MGAT5: variants seen among roughly 807,000 people sequenced by gnomAD.
MGAT5 encodes the protein alpha-1,6-mannosylglycoprotein 6-beta-N-acetylglucosaminyltransferase, also known as alpha-1,6-mannosylglycoprotein 6-beta-N-acetylglucosaminyltransferase A.
A neutral mutation model predicts 94.3 loss-of-function variants in MGAT5; 30 were observed. The ratio of observed to expected loss-of-function variants is 0.32; its 90% CI spans 0.24 to 0.43. MGAT5 has a LOEUF of 0.43. Among genes scored for constraint, MGAT5 ranks in the 20% least tolerant of loss-of-function variants. The pLI is 1.00. For synonymous variants in MGAT5, 310 were observed against 322.9 expected (o/e 0.96, Z 0.43); for missense variants, 691 against 905.5 (o/e 0.76, Z 3.04).
At chr2:134,440,646 A>G (rs1242565662) in intron 14 of MGAT5, among the ~76,000 whole-genome samples, 1 of 152,256 alleles carries the variant, frequency 6.6e-6, no homozygotes, top group Admixed American at 6.5e-5. Flanking sequence ...ATTATTGTAC[A>G]ATAAAACTTC....
chr2:134,175,807 G>C (rs1226647733), intron 1 of MGAT5, among the ~76,000 whole-genome samples: 5 of 152,212 alleles, frequency 3.3e-5, no homozygotes, highest in Admixed American at 3.3e-4. Flanking sequence ...AAGGGGTGGA[G>C]GCCGCTTTAC....
chr2:134,267,335 G>C (rs1683778972), intron 1 of MGAT5, among the ~76,000 whole-genome samples: 1 of 152,208 alleles, frequency 6.6e-6, no homozygotes, highest in Non-Finnish European at 1.5e-5. Context: ...CATTTGTTAA[G>C]AGGGGCATAG....
At chr2:134,158,179 G>A (rs975387166) in intron 1 of MGAT5, among the ~76,000 whole-genome samples, 2 of 152,216 alleles carry the variant, frequency 1.3e-5, no homozygotes, top group South Asian at 2.1e-4. Context: ...CATCCCTGGC[G>A]TGAAGGTGGG....
chr2:134,432,201 G>C (rs1436067195), intron 14 of MGAT5, among the ~76,000 whole-genome samples: 2 of 152,164 alleles, frequency 1.3e-5, no homozygotes, highest in South Asian at 2.1e-4. Context: ...ATTTCAGATT[G>C]ATTTATTAAA....
chr2:134,424,479 C>G (rs1020774459), intron 13 of MGAT5, among the ~76,000 whole-genome samples: 3 of 152,120 alleles, frequency 2.0e-5, no homozygotes, highest in Admixed American at 6.5e-5. Flanking sequence ...CTCAGGAGAC[C>G]GAGCTGATAA....
intron 2 of MGAT5, among the ~76,000 whole-genome samples, chr2:134,286,699 T>C (rs556208504): frequency 3.9e-4 from 60 of 152,300 alleles, no homozygotes; most frequent in African/African-American, 1.4e-3. Flanking sequence ...AGATTATAGG[T>C]GAGCCACCGC....
At chr2:134,386,504 C>G (rs1407263189) in intron 10 of MGAT5, among the ~76,000 whole-genome samples, 6 of 152,176 alleles carry the variant, frequency 3.9e-5, no homozygotes, top group African/African-American at 1.2e-4. Flanking sequence ...ATTAGGGACT[C>G]CAGCTGCTTC....
At chr2:134,146,510 T>C (rs1686926321) in intron 1 of MGAT5, among the ~76,000 whole-genome samples, 1 of 151,944 alleles carries the variant, frequency 6.6e-6, no homozygotes, top group African/African-American at 2.4e-5. Flanking sequence ...CAGTGAGCTA[T>C]GATAGCACCA....
At chr2:134,266,609 G>A (rs956815349) in intron 1 of MGAT5, among the ~76,000 whole-genome samples, 2 of 152,218 alleles carry the variant, frequency 1.3e-5, no homozygotes, top group Admixed American at 6.5e-5. Context: ...TTCATTGCCC[G>A]GAAAGGTATA....
chr2:134,321,139 G>C (rs1380964340), intron 4 of MGAT5, among the ~76,000 whole-genome samples: 2 of 152,120 alleles, frequency 1.3e-5, no homozygotes, highest in African/African-American at 4.8e-5. Flanking sequence ...CTTCTCCAGA[G>C]GAGTAAAGCC....
chr2:134,202,147 A>C (rs1300336671), intron 1 of MGAT5, among the ~76,000 whole-genome samples: 1 of 152,026 alleles, frequency 6.6e-6, no homozygotes, highest in Non-Finnish European at 1.5e-5. Flanking sequence ...CCACTATTCA[A>C]AACTTCATTT....
At chr2:134,414,069 C>T (rs1349242423) in intron 12 of MGAT5, among the ~76,000 whole-genome samples, 4 of 151,678 alleles carry the variant, frequency 2.6e-5, no homozygotes, top group Non-Finnish European at 4.4e-5. Context: ...GATAGAAGTT[C>T]AATAAGATCT....
At chr2:134,189,103 C>G (rs1689186781) in intron 1 of MGAT5, among the ~76,000 whole-genome samples, 1 of 152,160 alleles carries the variant, frequency 6.6e-6, no homozygotes, top group African/African-American at 2.4e-5. Flanking sequence ...CTCCAGTGAG[C>G]CTGGTGTCCA....
At chr2:134,381,262 T>A (rs1573967510) in intron 10 of MGAT5, among the ~76,000 whole-genome samples, 1 of 151,984 alleles carries the variant, frequency 6.6e-6, no homozygotes, top group East Asian at 1.9e-4. Flanking sequence ...GTATTGTAGT[T>A]AGCCATCATC....
chr2:134,370,947 G>C (rs1048522170), intron 10 of MGAT5, among the ~76,000 whole-genome samples: 1 of 152,192 alleles, frequency 6.6e-6, no homozygotes, highest in Non-Finnish European at 1.5e-5. Context: ...ATGTGAGTAG[G>C]AATAAGTGTG....
intron 15 of MGAT5, among the ~76,000 whole-genome samples, chr2:134,445,111 G>A (rs1313141095): frequency 2.6e-5 from 4 of 152,178 alleles, no homozygotes; most frequent in Non-Finnish European, 5.9e-5. Flanking sequence ...GGGTTGCTCT[G>A]TGCAAAGAAT....
chr2:134,288,405 TGTGTTGCC>T (rs1372748890), intron 2 of MGAT5, among the ~76,000 whole-genome samples: 1 of 152,188 alleles, frequency 6.6e-6, no homozygotes, highest in Non-Finnish European at 1.5e-5. Context: ...CCTTTGTTGA[TGTGTTGCC>T]GTGTTGCCTG....
chr2:134,249,789 A>G (rs1473550829), upstream of MGAT5, among the ~76,000 whole-genome samples: 1 of 152,258 alleles, frequency 6.6e-6, no homozygotes, highest in Non-Finnish European at 1.5e-5. Flanking sequence ...TAGAAGCAGA[A>G]TTGTTTGGAT....
At position 134,371,525 on chromosome 2, in the gene MGAT5, G is replaced by A. The variant is rs537784719; in HGVS notation, c.1380+9117G>A. Among the ~76,000 whole-genome samples the A allele has an allele frequency of 3.9e-5, 6 of 152,302 alleles. No individual in the cohort carries two copies. In the South Asian group the frequency reaches 8.3e-4, roughly 21 times the overall value. The stretch of plus-strand genomic sequence containing the variant: ...GCCCACTGACACTTTACAGTTGACA[G>A]CCCAGCCCAGATATGGGCCGCTGTG... On this transcript the variant is annotated intron_variant, in intron 10 of 15. Coordinates refer to ENST00000281923, the MANE Select transcript of MGAT5 (RefSeq NM_002410.5).
Sources: gnomAD v4.1 joint callset for allele counts (sites outside exome capture counted in the v4.1 genomes callset) on GRCh38, gnomAD v4.1.1 for gene constraint, MANE v1.5 for transcripts, NCBI Gene and HGNC (gene_info 2026-07-23, HGNC 2026-07-21) for gene names.